Variants in WNT9A observed in about 807,000 individuals in gnomAD.
WNT9A encodes the protein Wnt family member 9A.
A neutral mutation model predicts 31.4 loss-of-function variants in WNT9A; 8 were observed. The ratio of observed to expected loss-of-function variants is 0.26; its 90% CI spans 0.15 to 0.46. The LOEUF (loss-of-function observed/expected upper bound fraction) is 0.46, where lower values mean the gene tolerates loss of function less well. Ranked by LOEUF, WNT9A falls within the 20% of genes least tolerant of loss-of-function variation. The pLI is 0.99. For synonymous variants in WNT9A, 236 were observed against 220.1 expected, an observed-to-expected ratio of 1.07 and a Z score of -0.64; for missense variants, 457 against 522.9, an observed-to-expected ratio of 0.87 and a Z score of 1.23.
At chr1:227,933,569 C>G (rs1286328091) in intron 1 of WNT9A, among the ~76,000 whole-genome samples, 1 of 152,234 alleles carries the variant, frequency 6.6e-6, no homozygotes, top group Non-Finnish European at 1.5e-5. Flanking sequence ...ATGCCTTCCT[C>G]ACTAATCTTA....
chr1:227,944,135 A>G lies in WNT9A; in HGVS notation c.95+3658T>C, dbSNP rs1666759033. Among the ~76,000 whole-genome samples the G allele has an allele frequency of 1.3e-5, 2 of 152,218 alleles. 1 individual carries two copies. Among genetic ancestry groups the G allele is most frequent in the South Asian group, 4.1e-4 (2 of 4,824 alleles). On this transcript the variant is annotated intron_variant, in intron 1 of 3. Coordinates refer to ENST00000272164, the MANE Select transcript of WNT9A (RefSeq NM_003395.4). The stretch of plus-strand genomic sequence containing the variant: ...TAGCCAAACAGTGGAAGTGATCCAG[A>G]TGTCCGTCAACTGATGAACGGTCAA...
chr1:227,935,384 G>A (rs900794559), intron 1 of WNT9A, among the ~76,000 whole-genome samples: 2 of 152,208 alleles, frequency 1.3e-5, no homozygotes, highest in East Asian at 1.9e-4. Context: ...TAGAGAGCCT[G>A]AGTCACAATC....
At position 227,947,864 on chromosome 1, in the gene WNT9A, C is replaced by T. The variant is rs1225028934; in HGVS notation, c.24G>A (p.Ala8=). The change falls in exon 1 of 4, where the codon GCG becomes GCA. Residue 8 remains alanine, a synonymous_variant. Transcript: ENST00000272164. The part of the protein sequence containing the change: MLDGSPL[A]RWLAAAFGLT... Reference sequence around the variant, plus strand: ...GCCCGAAGGCCGCGGCCAGCCAGCGCGCCAGCGGGGACCCATCCAGCATCT... The same window carrying T: ...GCCCGAAGGCCGCGGCCAGCCAGCGTGCCAGCGGGGACCCATCCAGCATCT... 2.8e-6 allele frequency: 3 copies of T among 1,084,948 alleles called. No homozygotes were observed. The highest frequency in any genetic ancestry group is 3.4e-6 in the Non-Finnish European group (3 of 895,020). 67.2% of individuals were successfully genotyped at this position (1,084,948 alleles called of 1,614,324 possible).
chr1:227,922,432 G>A (rs1324323307), intron 3 of WNT9A, among the ~76,000 whole-genome samples: 1 of 152,216 alleles, frequency 6.6e-6, no homozygotes, highest in Non-Finnish European at 1.5e-5. Context: ...TCATCTAGTG[G>A]TGTATGTCTG....
At chr1:227,944,835 C>T (rs984487236) in intron 1 of WNT9A, among the ~76,000 whole-genome samples, 4 of 152,208 alleles carry the variant, frequency 2.6e-5, no homozygotes, top group African/African-American at 9.6e-5. Flanking sequence ...CTGCAAGGGC[C>T]ACCACCACAA....
At chr1:227,931,366 G>C (rs1051948674) in intron 1 of WNT9A, among the ~76,000 whole-genome samples, 1 of 152,206 alleles carries the variant, frequency 6.6e-6, no homozygotes, top group Non-Finnish European at 1.5e-5. Context: ...GTGCCTGTGT[G>C]AAGGGTCTTG....
At chr1:227,939,658 G>A (rs1666659061) in intron 1 of WNT9A, among the ~76,000 whole-genome samples, 1 of 152,148 alleles carries the variant, frequency 6.6e-6, no homozygotes, top group South Asian at 2.1e-4. Context: ...CGACCTTCCT[G>A]CCTCCTGCCA....
chr1:227,921,278 CTG>C lies in WNT9A; in HGVS notation c.*238_*239del. On this transcript the variant is annotated 3_prime_UTR_variant, in exon 4 of 4. Coordinates refer to ENST00000272164, the MANE Select transcript of WNT9A (RefSeq NM_003395.4). The stretch of plus-strand genomic sequence containing the variant: ...TGGCAGGTGTAGGCCCATTCATGCT[CTG>C]TGCAATGCCTGCACCCCATGCAGCT... 3.4e-6 allele frequency: 2 copies of C among 579,940 alleles called. No homozygotes were observed. The highest frequency in any genetic ancestry group is 8.4e-4 in the Middle Eastern group (2 of 2,394). 35.9% of individuals were successfully genotyped at this position (579,940 alleles called of 1,614,324 possible).
At chr1:227,945,152 A>T (rs1666775089) in intron 1 of WNT9A, among the ~76,000 whole-genome samples, 1 of 152,188 alleles carries the variant, frequency 6.6e-6, no homozygotes. Flanking sequence ...ATGGAGGACA[A>T]ACCATGTCCT....
intron 1 of WNT9A, among the ~76,000 whole-genome samples, chr1:227,935,242 C>T (rs531130603): frequency 4.6e-5 from 7 of 152,004 alleles, no homozygotes; most frequent in Non-Finnish European, 1.0e-4. Context: ...ACATACAGAG[C>T]CTGAGTCACA....
At chr1:227,939,983 C>T (rs1666665135) in intron 1 of WNT9A, among the ~76,000 whole-genome samples, 1 of 152,226 alleles carries the variant, frequency 6.6e-6, no homozygotes, top group Non-Finnish European at 1.5e-5. Flanking sequence ...AGGTGGGGCA[C>T]ATGCCGCAAG....
rs1666771334 is a variant in WNT9A, at chr1:227,944,950, C to G, written c.95+2843G>C. Among the ~76,000 whole-genome samples the G allele has an allele frequency of 2.6e-5, 4 of 152,364 alleles. No homozygotes were observed. The South Asian group carries it at 8.3e-4, about 32-fold the overall frequency. The stretch of plus-strand genomic sequence containing the variant: ...AAAGGGCTGCAAGGTGCCAGGGAGC[C>G]AGGCAGCCTAGCAGCCAGGGGTGGG... On this transcript the variant is annotated intron_variant, in intron 1 of 3. Coordinates refer to ENST00000272164, the MANE Select transcript of WNT9A (RefSeq NM_003395.4).
chr1:227,925,545 C>G lies in WNT9A; in HGVS notation c.96-26G>C. The stretch of plus-strand genomic sequence containing the variant: ...CTGGGCACAGAGAGGCCAGCATGAG[C>G]CCGGCCCCAGGAAGCCCTGCTGGAG... On this transcript the variant is annotated intron_variant, in intron 1 of 3. Coordinates refer to ENST00000272164, the MANE Select transcript of WNT9A (RefSeq NM_003395.4). The surrounding 1 kb of genome is among the most constrained non-coding windows in gnomAD (Gnocchi z 6.0). 6.7e-7 allele frequency: 1 copy of G among 1,485,794 alleles called. No individual in the cohort carries two copies. The allele number at this position is 1,485,794 out of a possible 1,614,324, so 92.0% of individuals were successfully genotyped here. A position where few individuals can be genotyped will look rare whatever the true frequency, so the allele number is the denominator to read the frequency against.
At chr1:227,923,075 G>A (rs142481054) in intron 3 of WNT9A, among the ~76,000 whole-genome samples, 346 of 152,254 alleles carry the variant, frequency 2.3e-3, no homozygotes, top group Non-Finnish European at 3.7e-3. Flanking sequence ...GAAAAGAAAG[G>A]GCCTTGCTTA....
intron 1 of WNT9A, among the ~76,000 whole-genome samples, chr1:227,940,867 G>A (rs190948613): frequency 6.6e-6 from 1 of 152,244 alleles, no homozygotes. Context: ...GGCCCAGGCT[G>A]CAGGTCACGG....
In WNT9A at chr1:227,942,994, C is replaced by CT. The variant is rs1572136482; in HGVS notation, c.95+4798dup. Among the ~76,000 whole-genome samples, 1 of 152,168 alleles carries CT rather than the reference C, an allele frequency of 6.6e-6. No individual in the cohort carries two copies. The highest frequency in any genetic ancestry group is 2.4e-5 in the African/African-American group (1 of 41,444). ...CCCTGCCAGGGACCCACAGGTGCCC[C>CT]TCATCCAGGCAGCCAGCTGTGCCCC... On this transcript the variant is annotated intron_variant, in intron 1 of 3. Coordinates refer to ENST00000272164, the MANE Select transcript of WNT9A (RefSeq NM_003395.4). The surrounding 1 kb of genome is among the most constrained non-coding windows in gnomAD (Gnocchi z 5.7).
rs548825492 is a variant in WNT9A at position 227,945,494 on chromosome 1, G to A, written c.95+2299C>T. Among the ~76,000 whole-genome samples, 6 of 152,302 alleles carry A rather than the reference G, an allele frequency of 3.9e-5. No individual in the cohort carries two copies. In the East Asian group the frequency reaches 9.7e-4, roughly 25 times the overall value. ...CAGGGAGCAGGCAGGGAGGGCTCCCGTGGGTCCACGTGACCCTCCCCCAGG... is the reference window on the plus strand; with the variant it reads ...CAGGGAGCAGGCAGGGAGGGCTCCCATGGGTCCACGTGACCCTCCCCCAGG... On this transcript the variant is annotated intron_variant, in intron 1 of 3. Coordinates refer to ENST00000272164, the MANE Select transcript of WNT9A (RefSeq NM_003395.4).
intron 3 of WNT9A, among the ~76,000 whole-genome samples, chr1:227,923,108 G>C (rs569725374): frequency 3.3e-5 from 5 of 152,160 alleles, no homozygotes; most frequent in Non-Finnish European, 7.4e-5. Context: ...GCCTTCGAAG[G>C]CTCTCCCCTG....
chr1:227,924,185 C>G lies in WNT9A; in HGVS notation c.568G>C (p.Asp190His), dbSNP rs749997833. The G allele has an allele frequency of 2.6e-6, 4 of 1,522,176 alleles. No homozygotes were observed. Among genetic ancestry groups the G allele is most frequent in the Non-Finnish European group, 3.6e-6 (4 of 1,120,056 alleles). 94.3% of individuals were successfully genotyped at this position (1,522,176 alleles called of 1,614,324 possible). A position where few individuals can be genotyped will look rare whatever the true frequency, so the allele number is the denominator to read the frequency against. Residue 190 changes from aspartate to histidine, a missense_variant, in exon 3 of 4, where the codon GAT becomes CAT. Asp to His is a moderately conservative substitution (Grantham distance 81, BLOSUM62 -1). Coordinates refer to ENST00000272164, the MANE Select transcript of WNT9A (RefSeq NM_003395.4). ...KEFLGRRSSKDLRARVDFHNN... is the reference protein window; with the variant it reads ...KEFLGRRSSKHLRARVDFHNN... ...TGGAAGTCCACACGGGCTCGCAGAT[C>G]CTTGCTTGACCGTCTGCCCAGGAAT...
Sources: allele counts gnomAD v4.1 joint callset (sites outside exome capture counted in the v4.1 genomes callset), GRCh38; gene constraint gnomAD v4.1.1; non-coding constraint Gnocchi (gnomAD v3.1); transcripts MANE v1.5; gene names NCBI Gene and HGNC (gene_info 2026-07-23, HGNC 2026-07-21).